Variants in ANKRD18B observed in about 807,000 individuals in gnomAD.
The protein encoded by ANKRD18B is ankyrin repeat domain 18B, also known as ankyrin repeat domain-containing protein 18B.
A neutral mutation model predicts 111.8 loss-of-function variants in ANKRD18B; 75 were observed. The observed-to-expected ratio is 0.67, with a 90% CI of 0.56 to 0.81. The LOEUF (loss-of-function observed/expected upper bound fraction) is 0.81. Ranked by LOEUF, ANKRD18B falls within the 40% of genes least tolerant of loss-of-function variation. The probability of loss-of-function intolerance (pLI) is 0.00; values close to 1 mark genes in which losing one functional copy is unlikely to be tolerated. For synonymous variants in ANKRD18B, 356 were observed against 417.3 expected (o/e 0.85, Z 1.79); for missense variants, 1,038 against 1,225.5 (o/e 0.85, Z 2.28).
downstream of ANKRD18B, among the ~76,000 whole-genome samples, chr9:33,575,183 A>C (rs1211521562): frequency 6.6e-6 from 1 of 152,174 alleles, no homozygotes; most frequent in Non-Finnish European, 1.5e-5. Context: ...TCCATTCTGC[A>C]TCTCCTCTGG....
At chr9:33,562,872 GCTT>G (rs1400434496) in intron 14 of ANKRD18B, among the ~76,000 whole-genome samples, 1 of 151,998 alleles carries the variant, frequency 6.6e-6, no homozygotes, top group Admixed American at 6.6e-5. Context: ...AATACTCAAA[GCTT>G]CTTCTTTTAG....
intron 1 of ANKRD18B, among the ~76,000 whole-genome samples, chr9:33,527,014 A>T (rs1828033976): frequency 6.6e-6 from 1 of 152,186 alleles, no homozygotes; most frequent in Non-Finnish European, 1.5e-5. Context: ...TCCATACTTA[A>T]AAACTTTATG....
intron 13 of ANKRD18B, among the ~76,000 whole-genome samples, chr9:33,556,695 T>A (rs899341705): frequency 6.6e-6 from 1 of 151,338 alleles, no homozygotes; most frequent in African/African-American, 2.4e-5. Context: ...TTTGTAATAT[T>A]CTTCACTGCT....
At chr9:33,540,364 A>G (rs1237684666) in intron 8 of ANKRD18B, among the ~76,000 whole-genome samples, 152 bp downstream of exon 8, 1 of 152,136 alleles carries the variant, frequency 6.6e-6, no homozygotes, top group African/African-American at 2.4e-5. Context: ...GTAATATTTT[A>G]TTAGCTGGGT....
At chr9:33,541,253 T>C (rs1420054374) in intron 9 of ANKRD18B, 26 bp downstream of exon 9, 15 of 1,533,794 alleles carry the variant, frequency 9.8e-6, no homozygotes, top group African/African-American at 1.4e-5. Context: ...ATCTCTACTC[T>C]TAACCATGTA....
chr9:33,525,166 A>G (rs1342978741), intron 1 of ANKRD18B, among the ~76,000 whole-genome samples: 3 of 152,256 alleles, frequency 2.0e-5, no homozygotes, highest in Admixed American at 6.5e-5. Context: ...TCAGTTTTAC[A>G]TAAACCGAAT....
intron 1 of ANKRD18B, among the ~76,000 whole-genome samples, chr9:33,527,612 G>A (rs749450773): frequency 7.2e-5 from 11 of 152,122 alleles, no homozygotes; most frequent in Non-Finnish European, 1.3e-4. Context: ...GAGCCACCGC[G>A]CCCGGCCAGC....
intron 14 of ANKRD18B, among the ~76,000 whole-genome samples, chr9:33,565,262 G>A (rs1828667614): frequency 6.6e-6 from 1 of 152,204 alleles, no homozygotes; most frequent in Non-Finnish European, 1.5e-5. Flanking sequence ...TTCATTTGAA[G>A]AGGGTGTCCT....
At chr9:33,553,198 CAA>C (rs770597736) in intron 12 of ANKRD18B, among the ~76,000 whole-genome samples, 3 of 99,642 alleles carry the variant, frequency 3.0e-5, no homozygotes, top group African/African-American at 3.8e-5. Context: ...CCTGACTCTA[CAA>C]AAAAAAAAAA....
chr9:33,568,796 G>C lies in ANKRD18B; in HGVS notation c.3080G>C (p.Ser1027Thr). 1 of 1,551,416 alleles carries C rather than the reference G, an allele frequency of 6.4e-7. No homozygotes were observed. Among genetic ancestry groups the C allele is most frequent in the South Asian group, 1.2e-5 (1 of 84,030 alleles). Reference sequence around the variant, plus strand: ...TTACCTTGTGTTGAAAATCTTAATAGTATAGAACTCAACAGAAAATATATT... The same window carrying C: ...TTACCTTGTGTTGAAAATCTTAATACTATAGAACTCAACAGAAAATATATT... ...PELPCVENLN[S>T]IELNRKYIPK... The change falls in exon 17 of 19, where the codon AGT becomes ACT. Residue 1027 changes from serine to threonine, a missense_variant. Around this residue, in one of 4 missense-constraint regions of ANKRD18B, gnomAD observed 524 missense variants for 677.9 expected, o/e 0.77. Transcript: ENST00000684830.
In ANKRD18B at chr9:33,548,578, C is replaced by T. The variant is rs1381481024; in HGVS notation, c.1790C>T (p.Pro597Leu). The change falls in exon 11 of 19, where the codon CCA (proline) becomes CTA (leucine). Residue 597 changes from proline to leucine, a missense_variant. Pro to Leu is a moderately conservative substitution (Grantham distance 98, BLOSUM62 -3). Around this residue, in one of 4 missense-constraint regions of ANKRD18B, gnomAD observed 524 missense variants for 677.9 expected, o/e 0.77. Transcript: ENST00000684830. Reference protein sequence around the residue: ...HRIKEMKQMHPNGEAKESQSI... With the variant: ...HRIKEMKQMHLNGEAKESQSI... ...ATAAAGGAAATGAAGCAGATGCATC[C>T]AAATGGGGAAGCTAAAGAAAGTCAA... The T allele has an allele frequency of 6.4e-7, 1 of 1,551,124 alleles. No individual in the cohort carries two copies. The highest frequency in any genetic ancestry group is 1.4e-5 in the African/African-American group (1 of 72,940).
At chr9:33,530,245 G>C (rs1248847385) in intron 3 of ANKRD18B, among the ~76,000 whole-genome samples, 1 of 152,184 alleles carries the variant, frequency 6.6e-6, no homozygotes, top group Non-Finnish European at 1.5e-5. Context: ...AAGTCTACAA[G>C]TGTAGGCTTT....
chr9:33,562,140 A>T (rs976600437), intron 14 of ANKRD18B, among the ~76,000 whole-genome samples: 1 of 151,788 alleles, frequency 6.6e-6, no homozygotes, highest in Non-Finnish European at 1.5e-5. Flanking sequence ...GCCTCCCTCT[A>T]TGGTTTCATT....
downstream of ANKRD18B, chr9:33,573,069 A>C: frequency 2.4e-6 from 2 of 832,484 alleles, no homozygotes; most frequent in Non-Finnish European, 3.2e-6. Context: ...TTTCAAGCTG[A>C]CTTTATGTCT....
intron 12 of ANKRD18B, among the ~76,000 whole-genome samples, chr9:33,550,985 G>A (rs1828438045): frequency 6.6e-6 from 1 of 152,190 alleles, no homozygotes; most frequent in Non-Finnish European, 1.5e-5. Flanking sequence ...AATGGACACA[G>A]CAGCTGTGCG....
At chr9:33,564,170 G>C (rs1294112183) in intron 14 of ANKRD18B, among the ~76,000 whole-genome samples, 1 of 152,184 alleles carries the variant, frequency 6.6e-6, no homozygotes, top group Non-Finnish European at 1.5e-5. Context: ...ATGTTGCTCA[G>C]GCTGCTCTGG....
At chr9:33,572,132 T>G (rs1828789070) in intron 18 of ANKRD18B, 184 bp from the exon 19 acceptor site, 2 of 581,858 alleles carry the variant, frequency 3.4e-6, no homozygotes. Context: ...GCTGTGATAT[T>G]TAACCACAAT....
In ANKRD18B at chr9:33,548,198, A is replaced by G. The variant is rs1244546097; in HGVS notation, c.1410A>G (p.Ala470=). Residue 470 remains alanine (A), a synonymous_variant, in exon 11 of 19, where the codon GCA becomes GCG. Coordinates refer to ENST00000684830, the MANE Select transcript of ANKRD18B (RefSeq NM_001393611.1). The part of the protein sequence containing the change: ...QQLNDLKAEN[A]RLNSKLEKEK... ...TTAATGATCTGAAAGCTGAGAATGC[A>G]AGGCTGAATTCAAAATTGGAGAAGG... 1.9e-6 allele frequency: 3 copies of G among 1,549,862 alleles called. No homozygotes were observed. The highest frequency in any genetic ancestry group is 1.7e-4 in the Middle Eastern group (1 of 5,972).
At chr9:33,530,794 G>T (rs1407002768) in intron 3 of ANKRD18B, among the ~76,000 whole-genome samples, 1 of 152,164 alleles carries the variant, frequency 6.6e-6, no homozygotes, top group East Asian at 1.9e-4. Flanking sequence ...GACACTTTTT[G>T]CTTCCCACCA....
Sources: allele counts gnomAD v4.1 joint callset (sites outside exome capture counted in the v4.1 genomes callset), GRCh38; gene constraint gnomAD v4.1.1; regional missense constraint gnomAD v4.1.1; transcripts MANE v1.5; gene names NCBI Gene and HGNC (gene_info 2026-07-23, HGNC 2026-07-21).